Variants in CREB5 observed in about 807,000 individuals in gnomAD.
The protein encoded by CREB5 is cAMP responsive element binding protein 5.
In CREB5, 19 loss-of-function variants were observed where a neutral mutation model predicts 57.1. The observed-to-expected ratio is 0.33, with a 90% CI of 0.23 to 0.49. CREB5 has a LOEUF of 0.49. CREB5 is among the 20% of genes least tolerant of loss of function. CREB5 has a pLI of 0.99. For synonymous variants in CREB5, 238 were observed against 238.3 expected (o/e 1.00, Z 0.01); for missense variants, 579 against 671.6 (o/e 0.86, Z 1.52).
At chr7:28,754,644 T>C (rs888800690) in intron 7 of CREB5, among the ~76,000 whole-genome samples, 2 of 152,200 alleles carry the variant, frequency 1.3e-5, no homozygotes, top group African/African-American at 2.4e-5. Flanking sequence ...GAGGAATAAG[T>C]TGGTTGCCAA....
At chr7:28,815,708 G>A (rs1222414019) in intron 9 of CREB5, among the ~76,000 whole-genome samples, 2 of 152,178 alleles carry the variant, frequency 1.3e-5, no homozygotes, top group Non-Finnish European at 2.9e-5. Context: ...ATGCTGCCAA[G>A]AAAGGGTTTC....
intron 5 of CREB5, among the ~76,000 whole-genome samples, chr7:28,610,132 G>T (rs1056007636): frequency 3.9e-5 from 6 of 152,052 alleles, no homozygotes; most frequent in Admixed American, 2.6e-4. Context: ...TGTCCTTCTG[G>T]GCCCTGGGGT....
chr7:28,689,079 T>C (rs1801104342), intron 5 of CREB5, among the ~76,000 whole-genome samples: 1 of 152,192 alleles, frequency 6.6e-6, no homozygotes, highest in South Asian at 2.1e-4. Flanking sequence ...ATTCCACTGT[T>C]TGACGACTAT....
intron 1 of CREB5, among the ~76,000 whole-genome samples, chr7:28,475,213 A>C (rs1791008314): frequency 7.1e-6 from 1 of 141,168 alleles, no homozygotes; most frequent in South Asian, 2.3e-4. Context: ...CCTTTTTTTC[A>C]CAGCTAACTA....
At chr7:28,681,781 C>T (rs1340947902) in intron 5 of CREB5, among the ~76,000 whole-genome samples, 1 of 152,204 alleles carries the variant, frequency 6.6e-6, no homozygotes, top group Non-Finnish European at 1.5e-5. Flanking sequence ...AAGATAATGC[C>T]TGAGCTGAGG....
intron 10 of CREB5, 33 bp downstream of exon 10, chr7:28,818,212 G>A: frequency 6.6e-7 from 1 of 1,513,828 alleles, no homozygotes; most frequent in South Asian, 1.1e-5. Context: ...TTTCTTTAGT[G>A]TCCAATATTT....
At chr7:28,407,958 T>C (rs1257982964), upstream of CREB5, among the ~76,000 whole-genome samples, 1 of 152,200 alleles carries the variant, frequency 6.6e-6, no homozygotes, top group East Asian at 1.9e-4. Context: ...TCAGAAATGA[T>C]TATTGTTTAT....
intron 1 of CREB5, among the ~76,000 whole-genome samples, chr7:28,392,863 C>T (rs951371512): frequency 2.0e-5 from 3 of 152,186 alleles, no homozygotes; most frequent in African/African-American, 7.2e-5. Context: ...CCACCTCAGA[C>T]CCTCTTTGTT....
chr7:28,435,065 C>T (rs569166419), intron 1 of CREB5, among the ~76,000 whole-genome samples: 1 of 149,122 alleles, frequency 6.7e-6, no homozygotes, highest in East Asian at 2.0e-4. Flanking sequence ...TCAATGAACA[C>T]TGGAATTATC....
intron 5 of CREB5, among the ~76,000 whole-genome samples, chr7:28,701,347 T>G (rs1801850422): frequency 6.6e-6 from 1 of 152,152 alleles, no homozygotes; most frequent in Non-Finnish European, 1.5e-5. Flanking sequence ...ATAAAGCCAA[T>G]TAACTCATTT....
intron 5 of CREB5, among the ~76,000 whole-genome samples, chr7:28,571,126 G>T (rs375785250): frequency 6.6e-6 from 1 of 152,084 alleles, no homozygotes; most frequent in Non-Finnish European, 1.5e-5. Flanking sequence ...ATGTGGACAC[G>T]GTGGACAGGA....
At chr7:28,475,078 G>A (rs1267149280) in intron 1 of CREB5, among the ~76,000 whole-genome samples, 1 of 151,968 alleles carries the variant, frequency 6.6e-6, no homozygotes, top group Admixed American at 6.6e-5. Context: ...AGGGACAGAG[G>A]TATTGGATTA....
chr7:28,799,564 G>A (rs1808247399), intron 7 of CREB5, among the ~76,000 whole-genome samples: 1 of 152,168 alleles, frequency 6.6e-6, no homozygotes, highest in African/African-American at 2.4e-5. Context: ...AAGATCTGGT[G>A]CATCGTATTT....
At chr7:28,718,926 G>T (rs1562594145) in intron 6 of CREB5, 47 bp downstream of exon 6, 1 of 1,611,868 alleles carries the variant, frequency 6.2e-7, no homozygotes. Context: ...TTGCACTGAG[G>T]TTTGCCACTC....
chr7:28,802,078 G>GA (rs35658848), intron 7 of CREB5, among the ~76,000 whole-genome samples: 4,522 of 26,520 alleles, frequency 0.17, 1,266 homozygotes, highest in Middle Eastern at 0.31. Flanking sequence ...GACTCCATCT[G>GA]AAAAAAAAAA....
chr7:28,587,493 C>T (rs17665165), intron 5 of CREB5, among the ~76,000 whole-genome samples: 14,087 of 126,398 alleles, frequency 0.11, 893 homozygotes, highest in Middle Eastern at 0.29. Flanking sequence ...CAGGATTCTT[C>T]GGGAGTTAAA....
At chr7:28,573,573 CT>C (rs1246079149) in intron 5 of CREB5, among the ~76,000 whole-genome samples, 1 of 152,212 alleles carries the variant, frequency 6.6e-6, no homozygotes, top group Non-Finnish European at 1.5e-5. Context: ...CTGCTCCCCC[CT>C]CTTCCCTTCC....
At chr7:28,755,045 T>G (rs1805216522) in intron 7 of CREB5, among the ~76,000 whole-genome samples, 1 of 152,120 alleles carries the variant, frequency 6.6e-6, no homozygotes, top group Admixed American at 6.5e-5. Context: ...ATTAACCAAA[T>G]CCTATAGAGT....
At chr7:28,815,824 A>T (rs962324744) in intron 9 of CREB5, among the ~76,000 whole-genome samples, 21 of 152,096 alleles carry the variant, frequency 1.4e-4, no homozygotes, top group African/African-American at 4.3e-4. Flanking sequence ...AAAGCAAGAG[A>T]ACCCAGTTTT....
Sources: gnomAD v4.1 joint callset for allele counts (sites outside exome capture counted in the v4.1 genomes callset) on GRCh38, gnomAD v4.1.1 for gene constraint, MANE v1.5 for transcripts, NCBI Gene and HGNC (gene_info 2026-07-23, HGNC 2026-07-21) for gene names.